Variants in CCDC134 observed in about 807,000 individuals in gnomAD.
CCDC134 encodes the protein coiled-coil domain-containing protein 134.
A neutral mutation model predicts 25.6 loss-of-function variants in CCDC134; 27 were observed. The ratio of observed to expected loss-of-function variants is 1.05; its 90% CI spans 0.78 to 1.45. CCDC134 has a LOEUF of 1.45. CCDC134 is among the 40% of genes most tolerant of loss of function. The pLI is 0.00. For synonymous variants in CCDC134, 110 were observed against 115.0 expected (o/e 0.96, Z 0.28); for missense variants, 261 against 286.7 (o/e 0.91, Z 0.65).
intron 6 of CCDC134, among the ~76,000 whole-genome samples, chr22:41,823,220 ATTT>A (rs34103607): frequency 1.3e-4 from 16 of 127,430 alleles, no homozygotes; most frequent in African/African-American, 3.7e-4. Context: ...CATTACCAGA[ATTT>A]TTTTTTTTTT....
At chr22:41,820,738 A>C (rs778867064) in intron 6 of CCDC134, among the ~76,000 whole-genome samples, 29 of 152,154 alleles carry the variant, frequency 1.9e-4, no homozygotes, top group Non-Finnish European at 3.4e-4. Flanking sequence ...TCATTTTTTC[A>C]AATGCTTGGA....
chr22:41,819,291 T>A (rs955828781), intron 6 of CCDC134, among the ~76,000 whole-genome samples: 8 of 152,160 alleles, frequency 5.3e-5, no homozygotes, highest in African/African-American at 1.7e-4. Flanking sequence ...CCTCAGATGC[T>A]CACAGTCTGA....
At position 41,810,237 on chromosome 22, in the gene CCDC134, G is replaced by A. The variant is rs139931518; in HGVS notation, c.256G>A (p.Ala86Thr). The A allele has an allele frequency of 1.1e-5, 18 of 1,613,942 alleles. No homozygotes were observed. Among genetic ancestry groups the A allele is most frequent in the African/African-American group, 4.0e-5 (3 of 74,918 alleles). ...VLEDSRTVLT[A>T]ADVLPDGPFP... is the part of the protein sequence containing the mutation. ...GGAGGACTCCCGGACAGTGCTCACC[G>A]CTGCTGATGTGCTCCCAGATGGGCC... Residue 86 changes from alanine to threonine, a missense_variant, in exon 4 of 7, where the codon GCT becomes ACT. Transcript: ENST00000255784.
chr22:41,818,413 A>G (rs2076632868), intron 6 of CCDC134, among the ~76,000 whole-genome samples: 1 of 152,250 alleles, frequency 6.6e-6, no homozygotes, highest in South Asian at 2.1e-4. Flanking sequence ...ACAGCGAACC[A>G]CAGTTAGCAG....
chr22:41,802,870 C>T (rs2076550516), intron 1 of CCDC134, among the ~76,000 whole-genome samples: 1 of 151,352 alleles, frequency 6.6e-6, no homozygotes. Context: ...ACCGAGATCG[C>T]ACCACTGCAC....
intron 1 of CCDC134, among the ~76,000 whole-genome samples, chr22:41,803,636 T>G (rs1022237542): frequency 6.6e-6 from 1 of 151,088 alleles, no homozygotes; most frequent in Admixed American, 6.6e-5. Context: ...GGCATGGTGA[T>G]GCACACCTGT....
chr22:41,816,167 C>T (rs901258405), intron 6 of CCDC134, among the ~76,000 whole-genome samples: 1 of 152,198 alleles, frequency 6.6e-6, no homozygotes, highest in Non-Finnish European at 1.5e-5. Flanking sequence ...CTCATGCCCC[C>T]ATAAGGAGAC....
chr22:41,802,880 C>T (rs999171421), intron 1 of CCDC134, among the ~76,000 whole-genome samples: 5 of 151,412 alleles, frequency 3.3e-5, no homozygotes, highest in African/African-American at 7.3e-5. Flanking sequence ...CACCACTGCA[C>T]TCCAGCCTGG....
At chr22:41,811,652 C>T (rs2076597004) in intron 4 of CCDC134, among the ~76,000 whole-genome samples, 1 of 152,110 alleles carries the variant, frequency 6.6e-6, no homozygotes, top group Admixed American at 6.5e-5. Context: ...TGGTCTCGAA[C>T]TTTTGATGTC....
chr22:41,816,558 A>C (rs973721518), intron 6 of CCDC134, among the ~76,000 whole-genome samples: 16 of 152,254 alleles, frequency 1.1e-4, no homozygotes, highest in Admixed American at 1.0e-3. Flanking sequence ...TTGTTTTGCC[A>C]GGTGGCAGTG....
At chr22:41,803,862 T>C (rs180715359) in intron 1 of CCDC134, among the ~76,000 whole-genome samples, 8 of 152,312 alleles carry the variant, frequency 5.3e-5, no homozygotes, top group Non-Finnish European at 8.8e-5. Context: ...CCCACCGTGG[T>C]GGCTCACGCC....
chr22:41,820,893 G>A (rs1425029578), intron 6 of CCDC134, among the ~76,000 whole-genome samples: 1 of 152,154 alleles, frequency 6.6e-6, no homozygotes, highest in Non-Finnish European at 1.5e-5. Context: ...TATGTAGAAG[G>A]CACCAAAAGC....
chr22:41,805,313 T>G (rs968380325), intron 1 of CCDC134, among the ~76,000 whole-genome samples: 2 of 152,044 alleles, frequency 1.3e-5, no homozygotes, highest in African/African-American at 4.8e-5. Flanking sequence ...ATGCCTGTAC[T>G]CCCAGGCCCT....
intron 1 of CCDC134, among the ~76,000 whole-genome samples, chr22:41,806,614 G>T (rs1189276917): frequency 2.0e-5 from 3 of 152,066 alleles, no homozygotes; most frequent in Admixed American, 1.3e-4. Context: ...AATACAGAAG[G>T]TTACCAGGGT....
At position 41,823,062 on chromosome 22, in the gene CCDC134, T is replaced by A. The variant is rs532339424; in HGVS notation, c.565-2636T>A. 2.0e-5 allele frequency among the ~76,000 whole-genome samples: 3 copies of A among 152,188 alleles called. No homozygotes were observed. The South Asian group carries it at 6.2e-4, about 32-fold the overall frequency. On this transcript the variant is annotated intron_variant, in intron 6 of 6. Coordinates refer to ENST00000255784, the MANE Select transcript of CCDC134 (RefSeq NM_024821.5). ...TTTTACAGCACAGCTACCTGAGTTG[T>A]AGGCATAGTAAATCTTCACCTAACA... is the stretch of plus-strand genomic sequence containing the variant.
chr22:41,815,961 A>G (rs954443610), intron 6 of CCDC134, among the ~76,000 whole-genome samples: 1 of 152,120 alleles, frequency 6.6e-6, no homozygotes, highest in Non-Finnish European at 1.5e-5. Flanking sequence ...CTAACCTGCA[A>G]TATTGAACAG....
chr22:41,816,849 C>T (rs1006352823), intron 6 of CCDC134, among the ~76,000 whole-genome samples: 17 of 152,062 alleles, frequency 1.1e-4, no homozygotes, highest in African/African-American at 2.7e-4. Context: ...ACCCAGGAGG[C>T]GGAGACTGCA....
chr22:41,801,634 C>A (rs573378358), intron 1 of CCDC134, among the ~76,000 whole-genome samples: 5 of 152,134 alleles, frequency 3.3e-5, no homozygotes, highest in Admixed American at 6.6e-5. Flanking sequence ...GACACCCTCT[C>A]ATCCCTCTGT....
chr22:41,814,567 CAA>C (rs1331286924), intron 6 of CCDC134, among the ~76,000 whole-genome samples: 6 of 131,072 alleles, frequency 4.6e-5, no homozygotes, highest in Admixed American at 1.5e-4. Flanking sequence ...AACTCCGTAT[CAA>C]AAAAAAAAAA....
Sources: gnomAD v4.1 joint callset for allele counts (sites outside exome capture counted in the v4.1 genomes callset) on GRCh38, gnomAD v4.1.1 for gene constraint, MANE v1.5 for transcripts, NCBI Gene and HGNC (gene_info 2026-07-23, HGNC 2026-07-21) for gene names.